NTM: variants seen among roughly 807,000 people sequenced by gnomAD.
NTM encodes IgLON family member 2.
In NTM, 13 loss-of-function variants were observed where a neutral mutation model predicts 42.1. The ratio of observed to expected loss-of-function variants is 0.31; its 90% confidence interval spans 0.20 to 0.49. NTM has a LOEUF of 0.49. Ranked by LOEUF, NTM falls within the 20% of genes least tolerant of loss-of-function variation. NTM has a pLI of 0.99. For synonymous variants in NTM, 187 were observed against 179.2 expected, an observed-to-expected ratio of 1.04 and a Z score of -0.35; for missense variants, 373 against 452.8, an observed-to-expected ratio of 0.82 and a Z score of 1.60.
intron 1 of NTM, chr11:131,385,413 A>G (rs1237803043): frequency 2.6e-5 from 4 of 152,238 alleles, no homozygotes; most frequent in African/African-American, 9.6e-5. Flanking sequence ...AACGAGGTAC[A>G]ACTTCACACC....
chr11:132,242,447 G>T (rs1478310055), intron 4 of NTM, among the ~76,000 whole-genome samples: 2 of 152,208 alleles, frequency 1.3e-5, no homozygotes, highest in Non-Finnish European at 2.9e-5. Flanking sequence ...GGGACAGAGT[G>T]CAAGAGGGAG....
intron 4 of NTM, among the ~76,000 whole-genome samples, chr11:132,240,252 T>G (rs772915739): frequency 2.4e-4 from 37 of 152,248 alleles, no homozygotes; most frequent in Non-Finnish European, 4.8e-4. Context: ...TACCATTTGG[T>G]GGTGCATTTT....
chr11:131,500,580 T>A (rs1405645897), intron 1 of NTM, among the ~76,000 whole-genome samples: 207 of 1,344 alleles, frequency 0.15, 1 homozygote, highest in Admixed American at 0.21. Context: ...TATATATATT[T>A]TTTTTTTTTT....
At chr11:132,008,412 C>T (rs976980138) in intron 2 of NTM, among the ~76,000 whole-genome samples, 4 of 152,090 alleles carry the variant, frequency 2.6e-5, no homozygotes, top group Middle Eastern at 3.2e-3. Context: ...TCAGATAGGA[C>T]TCAGGAAATT....
rs549246282 is a variant in NTM, at chr11:132,331,846, AGAGT to A, written c.967+1663_967+1666del. 9.2e-5 allele frequency among the ~76,000 whole-genome samples: 14 copies of A among 152,142 alleles called. No individual in the cohort carries two copies. In the South Asian group the frequency reaches 2.7e-3, roughly 29 times the overall value. On this transcript the variant is annotated intron_variant, in intron 8 of 8. Coordinates refer to ENST00000683400, the MANE Select transcript of NTM (RefSeq NM_001352005.2). Reference sequence around the variant, plus strand: ...GTGAGACATATTTCGGACGGAGGGGAGAGTGTGTGAGGGTGGGGAAAAAAGACCC... The same window carrying A: ...GTGAGACATATTTCGGACGGAGGGGAGTGTGAGGGTGGGGAAAAAAGACCC...
At chr11:131,492,528 T>C (rs955679198) in intron 1 of NTM, among the ~76,000 whole-genome samples, 1 of 152,178 alleles carries the variant, frequency 6.6e-6, no homozygotes, top group African/African-American at 2.4e-5. Flanking sequence ...CCTGGTGGTA[T>C]GGCTCCAAAT....
chr11:132,235,608 G>T (rs1174567125), intron 4 of NTM, among the ~76,000 whole-genome samples: 1 of 152,054 alleles, frequency 6.6e-6, no homozygotes, highest in Admixed American at 6.5e-5. Context: ...AGTCCCTTGG[G>T]CTTTTTATCA....
chr11:132,281,691 G>C (rs368232739), intron 4 of NTM, among the ~76,000 whole-genome samples: 8 of 152,264 alleles, frequency 5.3e-5, no homozygotes, highest in African/African-American at 1.9e-4. Context: ...CAGACAGTAA[G>C]CTTTCACATC....
At chr11:132,095,595 G>C (rs915626611) in intron 2 of NTM, among the ~76,000 whole-genome samples, 2 of 152,184 alleles carry the variant, frequency 1.3e-5, no homozygotes, top group Non-Finnish European at 2.9e-5. Flanking sequence ...GGCAGCTGCT[G>C]TCCATTTCAG....
At chr11:132,181,652 A>C (rs1022280797) in intron 3 of NTM, among the ~76,000 whole-genome samples, 1 of 152,218 alleles carries the variant, frequency 6.6e-6, no homozygotes, top group Non-Finnish European at 1.5e-5. Context: ...ATTACAATGC[A>C]GGAAGTCCTG....
chr11:132,134,215 G>A (rs1003583544), intron 2 of NTM, among the ~76,000 whole-genome samples: 2 of 152,092 alleles, frequency 1.3e-5, no homozygotes, highest in African/African-American at 4.8e-5. Flanking sequence ...GAGCCACCGT[G>A]CCTGCCCCAT....
chr11:132,146,405 G>A lies in NTM; in HGVS notation c.291G>A (p.Gln97=), dbSNP rs751449824. The change falls in exon 3 of 9, where the codon CAG becomes CAA. Residue 97 remains glutamine, a synonymous_variant. Coordinates refer to ENST00000683400, the MANE Select transcript of NTM (RefSeq NM_001352005.2). The surrounding 1 kb of genome is among the most constrained non-coding windows in gnomAD (Gnocchi z 4.5). The part of the protein sequence containing the change: ...RVVLLSNTQT[Q]YSIEIQNVDV... The stretch of plus-strand genomic sequence containing the variant: ...TCCTTCTGAGCAACACCCAAACGCA[G>A]TACAGCATCGAGATCCAGAACGTGG... The A allele has an allele frequency of 6.2e-7, 1 of 1,614,178 alleles. No homozygotes were observed. Among genetic ancestry groups the A allele is most frequent in the South Asian group, 1.1e-5 (1 of 91,078 alleles).
intron 1 of NTM, among the ~76,000 whole-genome samples, chr11:131,716,092 C>G (rs1281853455): frequency 6.6e-6 from 1 of 152,090 alleles, no homozygotes; most frequent in Non-Finnish European, 1.5e-5. Context: ...ATCAAGACAC[C>G]AGCCAATTCA....
At chr11:131,819,309 A>G (rs544824168) in intron 1 of NTM, among the ~76,000 whole-genome samples, 3 of 152,158 alleles carry the variant, frequency 2.0e-5, no homozygotes, top group Non-Finnish European at 2.9e-5. Context: ...CTGCACCCCC[A>G]GAAATGTAAG....
intron 4 of NTM, chr11:132,284,997 G>A (rs1411042548): frequency 6.6e-6 from 1 of 152,426 alleles, no homozygotes; most frequent in African/African-American, 2.4e-5. Flanking sequence ...GCAGGAGCAG[G>A]AAGGGTCACT....
At chr11:132,185,123 A>T (rs1347883434) in intron 3 of NTM, among the ~76,000 whole-genome samples, 1 of 152,188 alleles carries the variant, frequency 6.6e-6, no homozygotes, top group Admixed American at 6.5e-5. Flanking sequence ...AAAAGTGAAA[A>T]ACAAAACAAA....
At chr11:132,229,952 C>T (rs1566530421) in intron 4 of NTM, among the ~76,000 whole-genome samples, 2 of 152,360 alleles carry the variant, frequency 1.3e-5, no homozygotes, top group East Asian at 1.9e-4. Flanking sequence ...AAGAGAGCAG[C>T]AACCTTCCTT....
chr11:131,679,124 C>T (rs1015132718), intron 1 of NTM, among the ~76,000 whole-genome samples: 1 of 152,276 alleles, frequency 6.6e-6, no homozygotes, highest in African/African-American at 2.4e-5. Context: ...AGGCCACCGT[C>T]GTTTGCTCCA....
intron 2 of NTM, among the ~76,000 whole-genome samples, chr11:132,131,192 C>A (rs531006781): frequency 6.6e-6 from 1 of 152,124 alleles, no homozygotes; most frequent in Admixed American, 6.5e-5. Context: ...TATAGATGCA[C>A]GCGTGTTATG....
Sources: gnomAD v4.1 joint callset for allele counts (sites outside exome capture counted in the v4.1 genomes callset) on GRCh38, gnomAD v4.1.1 for gene constraint, Gnocchi (gnomAD v3.1) non-coding constraint, MANE v1.5 for transcripts, NCBI Gene and HGNC (gene_info 2026-07-23, HGNC 2026-07-21) for gene names.